PTK2: variants seen among roughly 807,000 people sequenced by gnomAD.
PTK2 encodes the protein protein tyrosine kinase 2, also known as focal adhesion kinase 1.
PTK2 carries 45 observed loss-of-function variants against 150.1 expected under a neutral mutation model. The ratio of observed to expected loss-of-function variants is 0.30; its 90% CI spans 0.24 to 0.38. PTK2 has a LOEUF of 0.38. PTK2 is among the 10% of genes least tolerant of loss of function. The pLI, the probability that PTK2 is intolerant of heterozygous loss-of-function variation, is 1.00. For synonymous variants in PTK2, 432 were observed against 449.2 expected, an observed-to-expected ratio of 0.96 and a Z score of 0.48; for missense variants, 919 against 1,307.3, an observed-to-expected ratio of 0.70 and a Z score of 4.58.
chr8:140,790,955 T>G (rs779709519), intron 13 of PTK2, among the ~76,000 whole-genome samples: 3 of 152,360 alleles, frequency 2.0e-5, no homozygotes, highest in Middle Eastern at 3.4e-3. Context: ...GCCACAATTA[T>G]GTATGCTGTT....
chr8:140,682,285 G>C (rs748388418), intron 27 of PTK2, among the ~76,000 whole-genome samples: 1 of 152,124 alleles, frequency 6.6e-6, no homozygotes, highest in Non-Finnish European at 1.5e-5. Context: ...AGGAGGCTGA[G>C]GCACAAGAAT....
At chr8:140,832,708 T>C (rs953869365) in intron 7 of PTK2, among the ~76,000 whole-genome samples, 5 of 150,710 alleles carry the variant, frequency 3.3e-5, no homozygotes, top group African/African-American at 1.2e-4. Flanking sequence ...CAGGGATGAG[T>C]GACTGGACAT....
At chr8:140,840,347 A>T (rs1368406811) in intron 7 of PTK2, among the ~76,000 whole-genome samples, 1 of 152,242 alleles carries the variant, frequency 6.6e-6, no homozygotes, top group African/African-American at 2.4e-5. Flanking sequence ...ACCTGGCCCA[A>T]TATAGGATGT....
intron 1 of PTK2, among the ~76,000 whole-genome samples, chr8:140,989,801 A>T (rs1460332357): frequency 6.6e-6 from 1 of 151,684 alleles, no homozygotes; most frequent in Non-Finnish European, 1.5e-5. Flanking sequence ...CCAGCTACTC[A>T]GGAGGTTGAG....
At chr8:140,732,657 GT>G in intron 22 of PTK2, 1 of 475,220 alleles carries the variant, frequency 2.1e-6, no homozygotes, top group Admixed American at 2.5e-5. Flanking sequence ...CAGGAAAAGT[GT>G]TTTAGTCATC....
chr8:140,832,833 G>A, intron 7 of PTK2: 1 of 518,788 alleles, frequency 1.9e-6, no homozygotes, highest in South Asian at 1.4e-5. Flanking sequence ...AGGTGTACGT[G>A]CACGCCCTTC....
intron 3 of PTK2, among the ~76,000 whole-genome samples, chr8:140,884,739 T>C (rs889409213): frequency 6.6e-6 from 1 of 152,168 alleles, no homozygotes; most frequent in African/African-American, 2.4e-5. Context: ...CACTGTACAT[T>C]TTCCCATTCC....
At position 140,784,755 on chromosome 8, in the gene PTK2, G is replaced by C. The variant is rs181129800; in HGVS notation, c.1177+4719C>G. On this transcript the variant is annotated intron_variant, in intron 14 of 31. Transcript: ENST00000522684. ...AAAAAAAGACTTCTACAGGTTCTCA[G>C]AACAATACAGGCAGGGACACATGTT... is the stretch of plus-strand genomic sequence containing the variant. Among the ~76,000 whole-genome samples the C allele has an allele frequency of 8.5e-5, 13 of 152,254 alleles. No individual in the cohort carries two copies. The East Asian group carries it at 2.1e-3, about 25-fold the overall frequency.
Position 140,753,852 on chromosome 8 carries a change from C to CAT in PTK2, c.1333-1538_1333-1537dup, listed in dbSNP as rs113792078. 7.3e-3 allele frequency among the ~76,000 whole-genome samples: 1,110 copies of CAT among 152,294 alleles called. 12 individuals carry two copies. Among genetic ancestry groups the CAT allele is most frequent in the African/African-American group, 0.025 (1,047 of 41,562 alleles). On this transcript the variant is annotated intron_variant, in intron 16 of 31. Transcript: ENST00000522684. Reference sequence around the variant, plus strand: ...AATCCCCATTAGTATAGCACTGATGCATACTATATGCTCAGTAAAGATCTG... The same window carrying CAT: ...AATCCCCATTAGTATAGCACTGATGCATATACTATATGCTCAGTAAAGATCTG...
chr8:140,904,815 G>A (rs2100160215), intron 2 of PTK2, among the ~76,000 whole-genome samples: 1 of 152,136 alleles, frequency 6.6e-6, no homozygotes, highest in African/African-American at 2.4e-5. Flanking sequence ...TCTAATGGTA[G>A]TTTGTATTTC....
chr8:140,746,724 C>T (rs1443044556), intron 18 of PTK2, 36 bp downstream of exon 21: 2 of 1,471,368 alleles, frequency 1.4e-6, no homozygotes, highest in Non-Finnish European at 1.9e-6. Flanking sequence ...ATATCAAACG[C>T]TGAGTCCAGA....
At chr8:140,701,110 TA>T in intron 25 of PTK2, 88 bp from the exon 29 acceptor site, 1 of 1,398,714 alleles carries the variant, frequency 7.1e-7, no homozygotes, top group Non-Finnish European at 9.6e-7. Context: ...CAAGAAAAGA[TA>T]AGCAAAACAG....
chr8:140,901,188 C>A (rs1341184999), intron 2 of PTK2, among the ~76,000 whole-genome samples: 1 of 151,922 alleles, frequency 6.6e-6, no homozygotes, highest in Non-Finnish European at 1.5e-5. Context: ...TACCTGGTGC[C>A]GAGAAAACTG....
intron 14 of PTK2, among the ~76,000 whole-genome samples, chr8:140,782,998 G>T (rs547639101): frequency 6.6e-6 from 1 of 152,112 alleles, no homozygotes; most frequent in Non-Finnish European, 1.5e-5. Context: ...CAGCACTTTC[G>T]GAGGCAGAGG....
intron 3 of PTK2, among the ~76,000 whole-genome samples, chr8:140,888,759 C>G (rs1461840938): frequency 8.1e-6 from 1 of 123,166 alleles, no homozygotes; most frequent in African/African-American, 2.5e-5. Flanking sequence ...TGATGTAAGT[C>G]TTGAACATTT....
chr8:140,980,600 C>T (rs377671559), intron 1 of PTK2, among the ~76,000 whole-genome samples: 6 of 151,778 alleles, frequency 4.0e-5, no homozygotes, highest in Non-Finnish European at 7.4e-5. Flanking sequence ...TCAGCCTGGG[C>T]GACAGAGCGA....
At chr8:140,849,594 G>A (rs757313114) in intron 5 of PTK2, among the ~76,000 whole-genome samples, 2 of 152,146 alleles carry the variant, frequency 1.3e-5, no homozygotes, top group Non-Finnish European at 2.9e-5. Flanking sequence ...ACATCACTGT[G>A]AGGTGGGTAC....
intron 4 of PTK2, among the ~76,000 whole-genome samples, chr8:140,876,325 C>T (rs923205051): frequency 6.6e-6 from 1 of 152,174 alleles, no homozygotes; most frequent in African/African-American, 2.4e-5. Context: ...TCTTGAATGG[C>T]AATTTAACTG....
intron 5 of PTK2, among the ~76,000 whole-genome samples, chr8:140,850,687 G>C (rs1328985253): frequency 6.6e-6 from 1 of 152,056 alleles, no homozygotes; most frequent in Non-Finnish European, 1.5e-5. Context: ...CCGTGATCGT[G>C]TCACTGCACT....
Sources: gnomAD v4.1 joint callset for allele counts (sites outside exome capture counted in the v4.1 genomes callset) on GRCh38, gnomAD v4.1.1 for gene constraint, MANE v1.5 for transcripts, NCBI Gene and HGNC (gene_info 2026-07-23, HGNC 2026-07-21) for gene names.